Variants in ZNF235 observed in about 807,000 individuals in gnomAD.
ZNF235 encodes the protein zfp-93.
A neutral mutation model predicts 29.4 loss-of-function variants in ZNF235; 25 were observed. The ratio of observed to expected loss-of-function variants is 0.85; its 90% CI spans 0.62 to 1.19. ZNF235 has a LOEUF of 1.19. Ranked by LOEUF, ZNF235 falls within the 50% of genes most tolerant of loss-of-function variation. ZNF235 has a pLI of 0.00. For synonymous variants in ZNF235, 300 were observed against 295.3 expected (o/e 1.02, Z -0.16); for missense variants, 788 against 885.0 (o/e 0.89, Z 1.39).
At chr19:44,299,480 G>A in intron 3 of ZNF235, 126 bp downstream of exon 3, 3 of 1,226,160 alleles carry the variant, frequency 2.4e-6, no homozygotes, top group South Asian at 1.4e-5. Flanking sequence ...ACAGAGGCCA[G>A]GGATGCCACT....
At chr19:44,289,714 T>C (rs1036737954) in intron 4 of ZNF235, 1 of 152,316 alleles carries the variant, frequency 6.6e-6, no homozygotes, top group East Asian at 1.9e-4. Flanking sequence ...AGTAAGTACT[T>C]AGAAAGGAAA....
chr19:44,302,983 TA>T lies in ZNF235; in HGVS notation c.15+406del, dbSNP rs1568647655. ...ATATATACGTATATATGTATATATT[TA>T]TATATAAATATATACATATATACGT... is the stretch of plus-strand genomic sequence containing the variant. On this transcript the variant is annotated intron_variant, in intron 2 of 4. Transcript: ENST00000291182. Among the ~76,000 whole-genome samples the T allele has an allele frequency of 9.1e-3, 1,125 of 123,388 alleles. 12 individuals carry two copies. The highest frequency in any genetic ancestry group is 0.041 in the African/African-American group (1,050 of 25,462). The allele number at this position is 123,388 out of a possible 152,430, so 80.9% of individuals were successfully genotyped here.
At chr19:44,300,834 C>T (rs1004330806) in intron 2 of ZNF235, among the ~76,000 whole-genome samples, 4 of 111,124 alleles carry the variant, frequency 3.6e-5, no homozygotes, top group African/African-American at 6.1e-5. Flanking sequence ...AGCGAGACTC[C>T]GTCTCAAAAA....
intron 1 of ZNF235, 47 bp downstream of exon 1, chr19:44,304,924 A>C (rs1975809413): frequency 6.1e-6 from 6 of 985,360 alleles, no homozygotes; most frequent in Non-Finnish European, 7.2e-6. Context: ...CCCCACGCCT[A>C]GGCAAAGAGG....
chr19:44,294,077 AAT>A (rs1975621402), intron 4 of ZNF235, among the ~76,000 whole-genome samples: 1 of 152,050 alleles, frequency 6.6e-6, no homozygotes, highest in Non-Finnish European at 1.5e-5. Context: ...AACTAAATAA[AAT>A]AGAGAACCAT....
intron 2 of ZNF235, among the ~76,000 whole-genome samples, chr19:44,301,553 T>C (rs1426021469): frequency 6.6e-6 from 1 of 151,962 alleles, no homozygotes; most frequent in Non-Finnish European, 1.5e-5. Flanking sequence ...TCACTGCAAC[T>C]TCTGCCTCCC....
chr19:44,293,864 GAA>G (rs1255498866), intron 4 of ZNF235, among the ~76,000 whole-genome samples: 2 of 151,094 alleles, frequency 1.3e-5, no homozygotes, highest in Non-Finnish European at 3.0e-5. Context: ...TGAAATGAAT[GAA>G]AACGAAAATA....
rs1420299794 is a variant in ZNF235, at chr19:44,288,269, T to C, written c.1166A>G (p.Asp389Gly). The change falls in exon 5 of 5, where the codon GAT becomes GGT. Residue 389 changes from aspartate (D) to glycine (G), a missense_variant. By Grantham distance (94) the Asp-to-Gly change is moderately conservative. Transcript: ENST00000291182. Reference sequence around the variant, plus strand: ...GTGAACTCTGCAATGAATGTTAAGATCTGTGCTACGACTGAAGCCCTTCCC... The same window carrying C: ...GTGAACTCTGCAATGAATGTTAAGACCTGTGCTACGACTGAAGCCCTTCCC... Reference protein sequence around the residue: ...SCGKGFSRSTDLNIHCRVHTG... With the variant: ...SCGKGFSRSTGLNIHCRVHTG... The C allele has an allele frequency of 6.2e-7, 1 of 1,614,034 alleles. No individual in the cohort carries two copies. Among genetic ancestry groups the C allele is most frequent in the Admixed American group, 1.7e-5 (1 of 59,994 alleles).
chr19:44,287,616 G>A lies in ZNF235; in HGVS notation c.1819C>T (p.Arg607Ter), dbSNP rs201027959. ...TGAAGGTGTGAGGCCTGACTGAATC[G>A]CTTCTGACATGCATCACACTTGAAT... is the stretch of plus-strand genomic sequence containing the variant. ...KPFKCDACQKRFSQASHLQAH... is the reference protein window; with the variant it reads ...KPFKCDACQK Residue 607 changes from arginine to a stop codon, truncating the protein, a stop_gained, in exon 5 of 5, where the codon CGA becomes TGA. Transcript: ENST00000291182. LOFTEE classifies it high-confidence loss of function. 49 of 1,613,564 alleles carry A rather than the reference G, an allele frequency of 3.0e-5. No individual in the cohort carries two copies. The highest frequency in any genetic ancestry group is 3.5e-5 in the Non-Finnish European group (41 of 1,179,912).
At chr19:44,289,388 T>G (rs1273308390) in intron 4 of ZNF235, 192 bp from the exon 5 acceptor site, 13 of 565,316 alleles carry the variant, frequency 2.3e-5, no homozygotes, top group Non-Finnish European at 3.6e-5. Flanking sequence ...AAAGCCATAT[T>G]TAAGATAGAA....
At chr19:44,296,558 T>C (rs1160141778) in intron 4 of ZNF235, among the ~76,000 whole-genome samples, 1 of 152,202 alleles carries the variant, frequency 6.6e-6, no homozygotes, top group Non-Finnish European at 1.5e-5. Context: ...GATTAGATGA[T>C]ATCTTAACAA....
Position 44,288,483 on chromosome 19 carries a change from G to A in ZNF235, c.952C>T (p.Arg318Cys), listed in dbSNP as rs780746264. 1.5e-5 allele frequency: 24 copies of A among 1,614,038 alleles called. No individual in the cohort carries two copies. In the Admixed American group the frequency reaches 1.5e-4, roughly 10 times the overall value. The change falls in exon 5 of 5, where the codon CGC becomes TGC. Residue 318 changes from arginine to cysteine, a missense_variant. Physicochemically the swap from Arg to Cys is radical, Grantham distance 180. Transcript: ENST00000291182. ...TTACCACATTCATGACACCAATAGC[G>A]TTTTTTCCCAGTACGAACACTTTGT... ...VQQSVRTGKK[R>C]YWCHECGKGF...
chr19:44,288,509 T>C lies in ZNF235; in HGVS notation c.926A>G (p.Gln309Arg). The C allele has an allele frequency of 6.2e-7, 1 of 1,614,188 alleles. No individual in the cohort carries two copies. Among genetic ancestry groups the C allele is most frequent in the Non-Finnish European group, 8.5e-7 (1 of 1,180,024 alleles). ...TTTTTTCCCAGTACGAACACTTTGT[T>C]GAACAGGAATACCTGAGCTATAACT... ...DTSYSSGIPV[Q>R]QSVRTGKKRY... The change falls in exon 5 of 5, where the codon CAA becomes CGA. Residue 309 changes from glutamine (Q) to arginine (R), a missense_variant. Physicochemically the swap from Gln to Arg is conservative, Grantham distance 43. Coordinates refer to ENST00000291182, the MANE Select transcript of ZNF235 (RefSeq NM_004234.4).
chr19:44,287,654 G>T lies in ZNF235; in HGVS notation c.1781C>A (p.Thr594Asn), dbSNP rs45540435. Residue 594 changes from threonine (T) to asparagine (N), a missense_variant, in exon 5 of 5, where the codon ACT becomes AAT. By Grantham distance (65) the Thr-to-Asn change is moderately conservative (BLOSUM62 0). Coordinates refer to ENST00000291182, the MANE Select transcript of ZNF235 (RefSeq NM_004234.4). The stretch of plus-strand genomic sequence containing the variant: ...ATCACACTTGAATGGTTTTTCCCCA[G>T]TGTGGACGCTCTGATGGGCTTGAAG... ...SNLQAHQSVHTGEKPFKCDAC... is the reference protein window; with the variant it reads ...SNLQAHQSVHNGEKPFKCDAC... 2,874 of 1,614,104 alleles carry T rather than the reference G, an allele frequency of 1.8e-3. 6 individuals carry two copies. Among genetic ancestry groups the T allele is most frequent in the Non-Finnish European group, 2.3e-3 (2,708 of 1,180,022 alleles).
chr19:44,292,567 A>G (rs1975598969), intron 4 of ZNF235, among the ~76,000 whole-genome samples: 1 of 151,824 alleles, frequency 6.6e-6, no homozygotes, highest in Non-Finnish European at 1.5e-5. Flanking sequence ...AATAAGGAAG[A>G]AAAAACAAAG....
At chr19:44,295,819 G>A (rs978005084) in intron 4 of ZNF235, among the ~76,000 whole-genome samples, 1 of 151,944 alleles carries the variant, frequency 6.6e-6, no homozygotes, top group Admixed American at 6.5e-5. Context: ...TGATAAAGTC[G>A]AAAAAAACAT....
At chr19:44,293,986 T>TTC (rs1289696925) in intron 4 of ZNF235, among the ~76,000 whole-genome samples, 2 of 149,094 alleles carry the variant, frequency 1.3e-5, no homozygotes, top group African/African-American at 4.9e-5. Flanking sequence ...ACAACCTGTG[T>TTC]CTCACCTCCA....
intron 2 of ZNF235, among the ~76,000 whole-genome samples, chr19:44,302,941 CATATTTGTATATATAAAT>C (rs1568647481): frequency 3.3e-5 from 2 of 61,270 alleles, no homozygotes; most frequent in African/African-American, 2.0e-4. Flanking sequence ...TTTATATATA[CATATTTGTATATATAAAT>C]ATATACGTAT....
At chr19:44,304,183 AT>A (rs781502992) in intron 1 of ZNF235, among the ~76,000 whole-genome samples, 1 of 152,142 alleles carries the variant, frequency 6.6e-6, no homozygotes, top group Non-Finnish European at 1.5e-5. Flanking sequence ...CTTTTTCCAC[AT>A]GCATGAAAGC....
Sources: allele counts gnomAD v4.1 joint callset (sites outside exome capture counted in the v4.1 genomes callset), GRCh38; gene constraint gnomAD v4.1.1; transcripts MANE v1.5; gene names NCBI Gene and HGNC (gene_info 2026-07-23, HGNC 2026-07-21).